Variants in CORO1C observed in about 807,000 individuals in gnomAD.
The protein encoded by CORO1C is coronin 1C, also known as coronin-1C.
Under a neutral mutation model 51.2 loss-of-function variants are expected in CORO1C, and 14 were observed. That is an observed-to-expected ratio of 0.27 (90% CI 0.18 to 0.43). The LOEUF (loss-of-function observed/expected upper bound fraction) is 0.43, where lower values mean the gene tolerates loss of function less well. Among genes scored for constraint, CORO1C ranks in the 20% least tolerant of loss-of-function variants. The pLI is 1.00. For synonymous variants in CORO1C, 181 were observed against 210.5 expected, an observed-to-expected ratio of 0.86 and a Z score of 1.21; for missense variants, 417 against 607.8, an observed-to-expected ratio of 0.69 and a Z score of 3.30.
At chr12:108,729,500 A>G (rs1024107632) in intron 1 of CORO1C, among the ~76,000 whole-genome samples, 3 of 152,242 alleles carry the variant, frequency 2.0e-5, no homozygotes, top group Non-Finnish European at 2.9e-5. Flanking sequence ...CCTGACGTTT[A>G]TACCAAATCT....
At chr12:108,680,427 A>C (rs1288532764) in intron 2 of CORO1C, among the ~76,000 whole-genome samples, 1 of 152,194 alleles carries the variant, frequency 6.6e-6, no homozygotes, top group African/African-American at 2.4e-5. Context: ...ATTCCAATGA[A>C]CACCATATCA....
intron 2 of CORO1C, among the ~76,000 whole-genome samples, chr12:108,691,845 T>A (rs1592912071): frequency 6.6e-6 from 1 of 150,754 alleles, no homozygotes; most frequent in Middle Eastern, 3.4e-3. Flanking sequence ...GGGGAGGGGG[T>A]GGGGTGGAAA....
At chr12:108,698,239 T>C (rs1185109951) in intron 2 of CORO1C, among the ~76,000 whole-genome samples, 1 of 152,198 alleles carries the variant, frequency 6.6e-6, no homozygotes, top group Non-Finnish European at 1.5e-5. Flanking sequence ...TAAAAAGGCA[T>C]CTACTTGCCA....
At chr12:108,708,785 G>A (rs1471802787) in intron 1 of CORO1C, among the ~76,000 whole-genome samples, 1 of 151,870 alleles carries the variant, frequency 6.6e-6, no homozygotes, top group Non-Finnish European at 1.5e-5. Context: ...TTTAGAGACA[G>A]AGTCTCACTC....
chr12:108,658,712 T>G lies in CORO1C; in HGVS notation c.630+26A>C. 6.3e-7 allele frequency: 1 copy of G among 1,597,678 alleles called. No homozygotes were observed. Among genetic ancestry groups the G allele is most frequent in the Non-Finnish European group, 8.6e-7 (1 of 1,166,054 alleles). ...ACACTCACTCAAGTGCTCCAACTAC[T>G]GAGTTTTCATCCTAGGAATACTCAC... On this transcript the variant is annotated intron_variant, in intron 5 of 10. Transcript: ENST00000261401. The surrounding 1 kb of genome is among the most constrained non-coding windows in gnomAD (Gnocchi z 4.9).
At chr12:108,700,981 T>A in intron 2 of CORO1C, 143 bp downstream of exon 2, 1 of 883,472 alleles carries the variant, frequency 1.1e-6, no homozygotes, top group Non-Finnish European at 1.8e-6. Context: ...ATGTGGTTAG[T>A]AAGGCGTGTG....
intron 6 of CORO1C, among the ~76,000 whole-genome samples, chr12:108,655,589 C>T (rs1420376618): frequency 6.6e-6 from 1 of 152,242 alleles, no homozygotes; most frequent in East Asian, 1.9e-4. Flanking sequence ...GCTGTGTTGG[C>T]GGGGCTGGTC....
intron 1 of CORO1C, among the ~76,000 whole-genome samples, chr12:108,726,406 GAC>G (rs973850081): frequency 3.5e-4 from 53 of 149,418 alleles, no homozygotes; most frequent in African/African-American, 1.2e-3. Flanking sequence ...TAGCCTGGGC[GAC>G]AGAGTGAGAC....
intron 3 of CORO1C, among the ~76,000 whole-genome samples, chr12:108,665,969 C>T (rs972264955): frequency 1.3e-5 from 2 of 152,232 alleles, no homozygotes. Flanking sequence ...ATAAGGCAGA[C>T]ACTGAGTGTT....
intron 1 of CORO1C, among the ~76,000 whole-genome samples, chr12:108,709,103 G>A (rs1238004165): frequency 6.6e-6 from 1 of 151,924 alleles, no homozygotes; most frequent in East Asian, 1.9e-4. Context: ...TGTGTTGATG[G>A]TTGCAGATTA....
chr12:108,699,609 C>T (rs1482898569), intron 2 of CORO1C, among the ~76,000 whole-genome samples: 1 of 152,146 alleles, frequency 6.6e-6, no homozygotes, highest in East Asian at 1.9e-4. Flanking sequence ...TTTCCAAATG[C>T]CCCTTGCTCT....
intron 1 of CORO1C, among the ~76,000 whole-genome samples, chr12:108,716,684 C>A (rs536556891): frequency 6.6e-6 from 1 of 152,238 alleles, no homozygotes; most frequent in African/African-American, 2.4e-5. Flanking sequence ...AATGGAAGAA[C>A]TAAAATAAAT....
chr12:108,712,084 A>G (rs1055904165), intron 1 of CORO1C, among the ~76,000 whole-genome samples: 6 of 152,204 alleles, frequency 3.9e-5, no homozygotes, highest in African/African-American at 1.2e-4. Context: ...TGGCAACCAC[A>G]AGACTCTAAA....
chr12:108,675,965 G>A (rs924049454), intron 3 of CORO1C, among the ~76,000 whole-genome samples: 1 of 152,196 alleles, frequency 6.6e-6, no homozygotes, highest in African/African-American at 2.4e-5. Context: ...AATCCAGATG[G>A]TTGAAAAGCA....
intron 1 of CORO1C, among the ~76,000 whole-genome samples, chr12:108,715,856 G>C (rs1275088284): frequency 6.6e-6 from 1 of 151,864 alleles, no homozygotes; most frequent in Non-Finnish European, 1.5e-5. Context: ...CCTTGAGGCC[G>C]GGCGGGGTGG....
chr12:108,661,613 T>C (rs1344491967), intron 4 of CORO1C, among the ~76,000 whole-genome samples: 1 of 152,152 alleles, frequency 6.6e-6, no homozygotes, highest in Non-Finnish European at 1.5e-5. Flanking sequence ...AAAGTTTTCT[T>C]TAAAAGGAAG....
intron 3 of CORO1C, among the ~76,000 whole-genome samples, chr12:108,670,404 C>A (rs1200721627): frequency 6.6e-6 from 1 of 152,158 alleles, no homozygotes; most frequent in Non-Finnish European, 1.5e-5. Flanking sequence ...GACCCCAGCA[C>A]TCTCAAAATC....
chr12:108,656,287 G>A (rs1206217122), intron 6 of CORO1C, among the ~76,000 whole-genome samples: 43 of 150,252 alleles, frequency 2.9e-4, no homozygotes, highest in Non-Finnish European at 5.9e-5. Context: ...CGGGAGGGAG[G>A]TGGGGGCTCA....
At chr12:108,720,692 T>A (rs1041113986) in intron 1 of CORO1C, among the ~76,000 whole-genome samples, 1 of 151,762 alleles carries the variant, frequency 6.6e-6, no homozygotes, top group Non-Finnish European at 1.5e-5. Context: ...CCCGGCTAAT[T>A]TTTTGTATTT....
Sources: gnomAD v4.1 joint callset for allele counts (sites outside exome capture counted in the v4.1 genomes callset) on GRCh38, gnomAD v4.1.1 for gene constraint, Gnocchi (gnomAD v3.1) non-coding constraint, MANE v1.5 for transcripts, NCBI Gene and HGNC (gene_info 2026-07-23, HGNC 2026-07-21) for gene names.